Variants in DPP4 observed in about 807,000 individuals in gnomAD.
DPP4 encodes the protein ADCP-2.
Under a neutral mutation model 122.4 loss-of-function variants are expected in DPP4, and 93 were observed. The observed-to-expected ratio is 0.76, with a 90% CI of 0.64 to 0.90. The LOEUF is 0.90. Among genes scored for constraint, DPP4 ranks in the 40% least tolerant of loss-of-function variants. DPP4 has a pLI of 0.00. For synonymous variants in DPP4, 321 were observed against 302.9 expected, an observed-to-expected ratio of 1.06 and a Z score of -0.62; for missense variants, 914 against 907.3, an observed-to-expected ratio of 1.01 and a Z score of -0.09.
At chr2:162,065,490 A>G (rs1035376485) in intron 2 of DPP4, among the ~76,000 whole-genome samples, 5 of 152,188 alleles carry the variant, frequency 3.3e-5, no homozygotes, top group African/African-American at 4.8e-5. Flanking sequence ...TGCACTTCCA[A>G]TTATAAAAGA....
chr2:162,042,922 TG>T (rs1684036801), intron 5 of DPP4, among the ~76,000 whole-genome samples: 1 of 152,146 alleles, frequency 6.6e-6, no homozygotes, highest in South Asian at 2.1e-4. Context: ...TGGAAGAGCA[TG>T]GCAGGGGACA....
chr2:162,001,128 C>A (rs1431104481), intron 23 of DPP4, among the ~76,000 whole-genome samples: 1 of 152,164 alleles, frequency 6.6e-6, no homozygotes, highest in Non-Finnish European at 1.5e-5. Flanking sequence ...CCTTTTCTAA[C>A]CCTCAATATC....
intron 8 of DPP4, among the ~76,000 whole-genome samples, chr2:162,036,656 T>C (rs1357250982): frequency 6.6e-6 from 1 of 152,212 alleles, no homozygotes; most frequent in African/African-American, 2.4e-5. Context: ...TTAAGCAGCC[T>C]ATTCTTCCTT....
At chr2:162,023,482 C>T (rs1420476634) in intron 11 of DPP4, among the ~76,000 whole-genome samples, 1 of 152,216 alleles carries the variant, frequency 6.6e-6, no homozygotes, top group Non-Finnish European at 1.5e-5. Context: ...ACACCTCTCC[C>T]CCAGTCCCTA....
intron 12 of DPP4, among the ~76,000 whole-genome samples, chr2:162,021,938 T>C (rs1351987953): frequency 1.3e-5 from 2 of 152,204 alleles, no homozygotes; most frequent in East Asian, 3.9e-4. Flanking sequence ...TGAGCCCAGC[T>C]AGAAGGGGTT....
intron 2 of DPP4, among the ~76,000 whole-genome samples, chr2:162,061,278 A>G (rs1684762919): frequency 6.6e-6 from 1 of 152,144 alleles, no homozygotes; most frequent in African/African-American, 2.4e-5. Context: ...CTGATCTTAA[A>G]GAAATACTTA....
At chr2:162,029,972 C>A (rs529820276) in intron 10 of DPP4, among the ~76,000 whole-genome samples, 16 of 152,198 alleles carry the variant, frequency 1.1e-4, no homozygotes, top group Non-Finnish European at 2.1e-4. Flanking sequence ...TCCATCCATC[C>A]TCTGCTTATC....
chr2:162,038,485 G>A, intron 7 of DPP4, 63 bp from the exon 8 acceptor site: 1 of 1,499,066 alleles, frequency 6.7e-7, no homozygotes, highest in Admixed American at 2.2e-5. Context: ...TCCCGGAATT[G>A]TAGAAACACT....
In DPP4 at chr2:161,997,768, C is replaced by T. The variant is rs569182688; in HGVS notation, c.2053-2396G>A. 5.3e-4 allele frequency among the ~76,000 whole-genome samples: 80 copies of T among 152,280 alleles called. No individual in the cohort carries two copies. The Middle Eastern group carries it at 0.01, about 19-fold the overall frequency. ...CTATATCAAATCCTTGCAATATTTG[C>T]GTAAAATAGGTCTAGAACAATTCTC... On this transcript the variant is annotated intron_variant, in intron 23 of 25. Coordinates refer to ENST00000360534, the MANE Select transcript of DPP4 (RefSeq NM_001935.4).
intron 21 of DPP4, 80 bp downstream of exon 21, chr2:162,009,161 G>A (rs1284834428): frequency 2.1e-6 from 3 of 1,404,508 alleles, no homozygotes; most frequent in Admixed American, 1.7e-5. Context: ...CTCCAAATAT[G>A]TATATACAAA....
At chr2:162,044,560 TC>T (rs1684108314) in intron 5 of DPP4, among the ~76,000 whole-genome samples, 1 of 152,068 alleles carries the variant, frequency 6.6e-6, no homozygotes, top group Non-Finnish European at 1.5e-5. Context: ...GGGGTGGGAA[TC>T]CCCAGCTTTG....
chr2:162,050,529 A>T (rs893778546), intron 2 of DPP4, among the ~76,000 whole-genome samples: 1 of 152,148 alleles, frequency 6.6e-6, no homozygotes, highest in African/African-American at 2.4e-5. Flanking sequence ...AGAGCCCAGG[A>T]CATCCCTGCA....
intron 23 of DPP4, among the ~76,000 whole-genome samples, chr2:162,003,333 G>A (rs1037518298): frequency 2.6e-5 from 4 of 152,106 alleles, no homozygotes; most frequent in Admixed American, 1.3e-4. Flanking sequence ...GTGGGAACGA[G>A]GAGCCTATAG....
chr2:162,013,149 A>G (rs1341608407), intron 19 of DPP4, among the ~76,000 whole-genome samples: 1 of 148,446 alleles, frequency 6.7e-6, no homozygotes, highest in Non-Finnish European at 1.5e-5. Flanking sequence ...AATAGAAAAA[A>G]AAAAAAGACC....
intron 5 of DPP4, among the ~76,000 whole-genome samples, chr2:162,039,945 G>C (rs1683929969): frequency 6.6e-6 from 1 of 151,900 alleles, no homozygotes; most frequent in South Asian, 2.1e-4. Context: ...CAGCACAAAT[G>C]ACTGGTATCA....
At chr2:162,069,222 G>T (rs1254281966) in intron 2 of DPP4, among the ~76,000 whole-genome samples, 3 of 152,110 alleles carry the variant, frequency 2.0e-5, no homozygotes, top group Admixed American at 6.5e-5. Flanking sequence ...TTGTTCTAAG[G>T]ATTAAATGAA....
chr2:161,997,917 G>A (rs16846230), intron 23 of DPP4, among the ~76,000 whole-genome samples: 4,221 of 152,212 alleles, frequency 0.028, 242 homozygotes, highest in East Asian at 0.2. Flanking sequence ...ATTGCACTGC[G>A]TCTCCACTAA....
chr2:162,046,710 A>G (rs1485687765), intron 4 of DPP4: 3 of 630,420 alleles, frequency 4.8e-6, no homozygotes, highest in South Asian at 3.0e-5. Context: ...ACATTTAAAA[A>G]TATGGGCAGA....
In DPP4 at chr2:162,035,113, C is replaced by T. The variant is rs368145124; in HGVS notation, c.774+51G>A. The T allele has an allele frequency of 7.2e-5, 110 of 1,534,984 alleles. 1 individual carries two copies. The African/African-American group carries it at 1.4e-3, about 19-fold the overall frequency. ...TTAGCAAGAAGGGATTAAATGAAAC[C>T]ATTCTCTTCCCATCAAATCATGGAA... On this transcript the variant is annotated intron_variant, in intron 9 of 25. Transcript: ENST00000360534.
Sources: allele counts gnomAD v4.1 joint callset (sites outside exome capture counted in the v4.1 genomes callset), GRCh38; gene constraint gnomAD v4.1.1; transcripts MANE v1.5; gene names NCBI Gene and HGNC (gene_info 2026-07-23, HGNC 2026-07-21).